Variants in RTN1 observed in about 807,000 individuals in gnomAD.
RTN1 encodes reticulon 1.
A neutral mutation model predicts 65.5 loss-of-function variants in RTN1; 25 were observed. That is an observed-to-expected ratio of 0.38 (90% CI 0.28 to 0.53). The LOEUF (loss-of-function observed/expected upper bound fraction) is 0.53, where lower values mean the gene tolerates loss of function less well. Among genes scored for constraint, RTN1 ranks in the 20% least tolerant of loss-of-function variants. The pLI, the probability that RTN1 is intolerant of heterozygous loss-of-function variation, is 0.79. For synonymous variants in RTN1, 471 were observed against 447.6 expected (o/e 1.05, Z -0.66); for missense variants, 983 against 1,025.4 (o/e 0.96, Z 0.57).
At chr14:59,764,636 A>G (rs1367890867) in intron 1 of RTN1, among the ~76,000 whole-genome samples, 1 of 152,120 alleles carries the variant, frequency 6.6e-6, no homozygotes, top group African/African-American at 2.4e-5. Context: ...AATTTTAAAA[A>G]TTGCAAATAA....
chr14:59,670,331 T>C (rs994663492), intron 3 of RTN1, among the ~76,000 whole-genome samples: 13 of 152,298 alleles, frequency 8.5e-5, no homozygotes, highest in African/African-American at 2.6e-4. Context: ...TCTTAACTTA[T>C]ATAGAAGGAA....
intron 1 of RTN1, among the ~76,000 whole-genome samples, chr14:59,812,516 T>C (rs765835339): frequency 1.3e-5 from 2 of 152,196 alleles, no homozygotes; most frequent in Non-Finnish European, 2.9e-5. Context: ...AAAAGTTCAC[T>C]AGATGTGAAC....
chr14:59,603,818 G>T, intron 6 of RTN1, 34 bp downstream of exon 6: 2 of 1,561,256 alleles, frequency 1.3e-6, no homozygotes, highest in Non-Finnish European at 1.8e-6. Context: ...CAGAGGGGGT[G>T]AAGGAAGACG....
At position 59,870,267 on chromosome 14, in the gene RTN1, G is replaced by GT; in HGVS notation, c.241+122_241+123insA. ...TTCCCAGTCGCCCGTGGCGACGCGG[G>GT]GGTGGGGTCGGCGCTCAAGGCAGAA... On this transcript the variant is annotated intron_variant, in intron 1 of 8. Coordinates refer to ENST00000267484, the MANE Select transcript of RTN1 (RefSeq NM_021136.3). This position sits in a 1 kb window ranked among gnomAD's most constrained non-coding sequence, Gnocchi z 5.1. 1.0e-6 allele frequency: 1 copy of GT among 968,348 alleles called. No homozygotes were observed. The highest frequency in any genetic ancestry group is 1.4e-6 in the Non-Finnish European group (1 of 731,854). 60.0% of individuals were successfully genotyped at this position (968,348 alleles called of 1,614,324 possible). A position where few individuals can be genotyped will look rare whatever the true frequency, so the allele number is the denominator to read the frequency against.
intron 1 of RTN1, among the ~76,000 whole-genome samples, chr14:59,823,284 T>C (rs1463906207): frequency 2.0e-5 from 3 of 152,162 alleles, no homozygotes; most frequent in Non-Finnish European, 4.4e-5. Flanking sequence ...CCTTTTTTTT[T>C]TAAATCATCA....
intron 2 of RTN1, among the ~76,000 whole-genome samples, chr14:59,740,611 G>T (rs983384661): frequency 1.3e-5 from 2 of 152,136 alleles, no homozygotes; most frequent in Non-Finnish European, 2.9e-5. Context: ...CAGGGTCGGG[G>T]AGAAAAGGGT....
At chr14:59,856,183 C>T (rs1438301328) in intron 1 of RTN1, among the ~76,000 whole-genome samples, 2 of 151,964 alleles carry the variant, frequency 1.3e-5, no homozygotes, top group Admixed American at 1.3e-4. Context: ...TTCAGAGTCC[C>T]TTTCTATTTA....
intron 3 of RTN1, among the ~76,000 whole-genome samples, chr14:59,675,828 T>C (rs923013033): frequency 6.6e-6 from 1 of 152,136 alleles, no homozygotes; most frequent in African/African-American, 2.4e-5. Flanking sequence ...CACAAGAAAA[T>C]AAATTCTTAC....
At chr14:59,828,076 A>G (rs768654982) in intron 1 of RTN1, among the ~76,000 whole-genome samples, 11 of 152,218 alleles carry the variant, frequency 7.2e-5, no homozygotes, top group Non-Finnish European at 1.2e-4. Flanking sequence ...TATTCACCTT[A>G]TATTGGAATG....
At chr14:59,765,258 C>G (rs10138288) in intron 1 of RTN1, among the ~76,000 whole-genome samples, 2 of 151,924 alleles carry the variant, frequency 1.3e-5, no homozygotes, top group Admixed American at 1.3e-4. Context: ...AGTAGGGTGA[C>G]CTTTAAAGAG....
At chr14:59,713,761 T>A (rs77589571) in intron 3 of RTN1, among the ~76,000 whole-genome samples, 2 of 152,162 alleles carry the variant, frequency 1.3e-5, no homozygotes, top group Non-Finnish European at 2.9e-5. Flanking sequence ...TAGTTTTTAA[T>A]GACAACATTT....
At chr14:59,672,111 G>T (rs1299194542) in intron 3 of RTN1, among the ~76,000 whole-genome samples, 4 of 152,100 alleles carry the variant, frequency 2.6e-5, no homozygotes, top group Non-Finnish European at 5.9e-5. Context: ...GCTACAGGCA[G>T]GGAAGAGTGC....
intron 1 of RTN1, among the ~76,000 whole-genome samples, chr14:59,835,052 ATG>A (rs764889849): frequency 1.3e-4 from 20 of 152,232 alleles, no homozygotes; most frequent in Non-Finnish European, 2.5e-4. Context: ...CTGGTACATA[ATG>A]TTGATAACAG....
intron 3 of RTN1, among the ~76,000 whole-genome samples, chr14:59,628,433 A>G (rs1882457423): frequency 6.6e-6 from 1 of 152,176 alleles, no homozygotes; most frequent in African/African-American, 2.4e-5. Context: ...CAAAACCTCA[A>G]TGTAGATTCT....
chr14:59,833,383 A>C (rs1168294225), intron 1 of RTN1, among the ~76,000 whole-genome samples: 1 of 152,234 alleles, frequency 6.6e-6, no homozygotes, highest in Non-Finnish European at 1.5e-5. Flanking sequence ...GAAATAATGA[A>C]AAACAAAAAA....
intron 3 of RTN1, among the ~76,000 whole-genome samples, chr14:59,663,718 A>C (rs528589715): frequency 2.0e-4 from 30 of 152,298 alleles, no homozygotes; most frequent in Middle Eastern, 3.4e-3. Flanking sequence ...CAACAAACAT[A>C]TGAAAAAAAG....
intron 1 of RTN1, among the ~76,000 whole-genome samples, chr14:59,813,793 C>G (rs1886771489): frequency 6.6e-6 from 1 of 151,952 alleles, no homozygotes; most frequent in Non-Finnish European, 1.5e-5. Context: ...ACTTTTTTCT[C>G]TATTTCCAAG....
intron 1 of RTN1, among the ~76,000 whole-genome samples, chr14:59,856,443 C>G (rs1316254717): frequency 6.6e-6 from 1 of 152,158 alleles, no homozygotes; most frequent in African/African-American, 2.4e-5. Flanking sequence ...CCACACATAC[C>G]TGGGACAGCT....
intron 1 of RTN1, among the ~76,000 whole-genome samples, chr14:59,843,723 A>T (rs1299958964): frequency 6.6e-6 from 1 of 152,198 alleles, no homozygotes; most frequent in Non-Finnish European, 1.5e-5. Context: ...AAGGCACTGG[A>T]AGAAACACAA....
Sources: gnomAD v4.1 joint callset for allele counts (sites outside exome capture counted in the v4.1 genomes callset) on GRCh38, gnomAD v4.1.1 for gene constraint, Gnocchi (gnomAD v3.1) non-coding constraint, MANE v1.5 for transcripts, NCBI Gene and HGNC (gene_info 2026-07-23, HGNC 2026-07-21) for gene names.